RPL22: variants seen among roughly 807,000 people sequenced by gnomAD.
RPL22 encodes large ribosomal subunit protein eL22.
A neutral mutation model predicts 16.2 loss-of-function variants in RPL22; 4 were observed. The ratio of observed to expected loss-of-function variants is 0.25; its 90% CI spans 0.12 to 0.57. The LOEUF (loss-of-function observed/expected upper bound fraction) is 0.57, where lower values mean the gene tolerates loss of function less well. RPL22 is among the 20% of genes least tolerant of loss of function. The pLI, the probability that RPL22 is intolerant of heterozygous loss-of-function variation, is 0.92. For missense variants in RPL22, 83 were observed against 156.1 expected, an observed-to-expected ratio of 0.53 and a Z score of 2.49; for synonymous variants, 43 against 54.8, an observed-to-expected ratio of 0.78 and a Z score of 0.95.
intron 3 of RPL22, among the ~76,000 whole-genome samples, chr1:6,189,746 C>A (rs954487694): frequency 2.3e-4 from 35 of 152,022 alleles, no homozygotes; most frequent in Admixed American, 9.8e-4. Flanking sequence ...ATGATGAAAC[C>A]CCCTCTCTAC....
intron 3 of RPL22, among the ~76,000 whole-genome samples, chr1:6,191,675 CAAA>C (rs532667006): frequency 1.4e-5 from 1 of 69,892 alleles, no homozygotes. Flanking sequence ...ACTCTGTCTC[CAAA>C]AAAAAAAAAA....
Position 6,186,741 on chromosome 1 carries a change from G to C in RPL22, c.318C>G (p.Ser106Arg). ...LRDWLRVVANSKESYELRYFQ... is the reference protein window; with the variant it reads ...LRDWLRVVANRKESYELRYFQ... ...AGTAACGTAATTCGTAACTCTCTTT[G>C]CTGTTAGCAACTACGCGCAACCAGT... Residue 106 changes from serine (S) to arginine (R), a missense_variant, in exon 4 of 4, where the codon AGC becomes AGG. By Grantham distance (110) the Ser-to-Arg change is moderately radical. Transcript: ENST00000234875. 1.3e-6 allele frequency: 2 copies of C among 1,598,138 alleles called. No individual in the cohort carries two copies. Among genetic ancestry groups the C allele is most frequent in the Non-Finnish European group, 8.6e-7 (1 of 1,167,580 alleles).
chr1:6,186,868 A>G (rs1667587673), intron 3 of RPL22, 52 bp from the exon 4 acceptor site: 19 of 1,598,366 alleles, frequency 1.2e-5, no homozygotes, highest in Non-Finnish European at 1.6e-5. Context: ...CTTGCATTCT[A>G]AAACATTTTA....
chr1:6,192,865 A>G, intron 3 of RPL22, 65 bp downstream of exon 3: 1 of 1,596,322 alleles, frequency 6.3e-7, no homozygotes, highest in Non-Finnish European at 8.6e-7. Flanking sequence ...CCCCACTCCC[A>G]TGCAGGGAAA....
intron 2 of RPL22, among the ~76,000 whole-genome samples, chr1:6,194,287 C>T (rs1408641626): frequency 2.0e-5 from 3 of 152,218 alleles, no homozygotes; most frequent in African/African-American, 7.2e-5. Context: ...GAGTATAAAA[C>T]ACTGTTCACA....
intron 3 of RPL22, among the ~76,000 whole-genome samples, chr1:6,188,911 G>A (rs1030368077): frequency 1.3e-5 from 2 of 151,756 alleles, no homozygotes; most frequent in African/African-American, 2.4e-5. Flanking sequence ...TCAGCCTCCC[G>A]AGTAGCTGGG....
At chr1:6,188,733 C>T (rs1667612594) in intron 3 of RPL22, among the ~76,000 whole-genome samples, 2 of 152,004 alleles carry the variant, frequency 1.3e-5, no homozygotes. Flanking sequence ...ATCCCTGCTA[C>T]TAACCATCTC....
chr1:6,190,116 G>A (rs1400108782), intron 3 of RPL22, among the ~76,000 whole-genome samples: 1 of 152,136 alleles, frequency 6.6e-6, no homozygotes, highest in African/African-American at 2.4e-5. Flanking sequence ...ACGCATGTCA[G>A]GAGATACCCT....
At chr1:6,192,599 T>TGA (rs1330930625) in intron 3 of RPL22, among the ~76,000 whole-genome samples, 5 of 152,054 alleles carry the variant, frequency 3.3e-5, no homozygotes, top group African/African-American at 1.2e-4. Context: ...CTCAGGAGGC[T>TGA]GAGGCAGGAC....
rs1481984048 is a variant in RPL22, at chr1:6,185,333, G to A, written c.*1339C>T. 2.5e-6 allele frequency: 1 copy of A among 399,066 alleles called. No individual in the cohort carries two copies. Among genetic ancestry groups the A allele is most frequent in the Non-Finnish European group, 4.4e-6 (1 of 226,052 alleles). The allele number at this position is 399,066 out of a possible 1,614,324, so 24.7% of individuals were successfully genotyped here. ...AAAGAGCAACTGATGCCTCAGTGAA[G>A]TTTGAAAGAAACTCTGCTTTCTGTG... On this transcript the variant is annotated 3_prime_UTR_variant, in exon 4 of 4. Coordinates refer to ENST00000234875, the MANE Select transcript of RPL22 (RefSeq NM_000983.4).
chr1:6,187,660 A>C (rs1293483911), intron 3 of RPL22, among the ~76,000 whole-genome samples: 1 of 152,114 alleles, frequency 6.6e-6, no homozygotes, highest in Non-Finnish European at 1.5e-5. Flanking sequence ...TAAGTAGATA[A>C]GTAGATGTAC....
In RPL22 at chr1:6,185,453, A is replaced by G. The variant is rs1667572199; in HGVS notation, c.*1219T>C. ...GCCTTTAACACAAGTGAAATTGCAA[A>G]GCCTCAACACGTTCAACTCAATCCA... On this transcript the variant is annotated 3_prime_UTR_variant, in exon 4 of 4. Coordinates refer to ENST00000234875, the MANE Select transcript of RPL22 (RefSeq NM_000983.4). The G allele has an allele frequency of 2.5e-6, 1 of 398,502 alleles. No homozygotes were observed. The highest frequency in any genetic ancestry group is 4.4e-6 in the Non-Finnish European group (1 of 225,860). The allele number at this position is 398,502 out of a possible 1,614,324, so 24.7% of individuals were successfully genotyped here.
chr1:6,190,197 G>A (rs147632334), intron 3 of RPL22, among the ~76,000 whole-genome samples: 17 of 152,274 alleles, frequency 1.1e-4, no homozygotes, highest in African/African-American at 3.6e-4. Context: ...CCAGCAGGCC[G>A]GACGCTTTGT....
At chr1:6,190,389 G>A (rs1667634822) in intron 3 of RPL22, among the ~76,000 whole-genome samples, 2 of 151,874 alleles carry the variant, frequency 1.3e-5, no homozygotes, top group Admixed American at 1.3e-4. Flanking sequence ...TCTTTTGTTT[G>A]TTTTTTTTGA....
intron 2 of RPL22, among the ~76,000 whole-genome samples, chr1:6,193,477 C>A (rs1163158094): frequency 6.6e-6 from 1 of 152,140 alleles, no homozygotes; most frequent in Non-Finnish European, 1.5e-5. Context: ...GCATTCGCCA[C>A]CAGGCCCAGC....
chr1:6,189,066 G>A (rs145945493), intron 3 of RPL22, among the ~76,000 whole-genome samples: 3 of 152,142 alleles, frequency 2.0e-5, no homozygotes, highest in East Asian at 1.9e-4. Context: ...GATTACAGGC[G>A]TGAGCCACCG....
intron 3 of RPL22, among the ~76,000 whole-genome samples, chr1:6,191,085 C>A (rs1418470103): frequency 6.6e-6 from 1 of 151,882 alleles, no homozygotes; most frequent in South Asian, 2.1e-4. Context: ...TTAGGCCGGG[C>A]GCGGTGGCTC....
chr1:6,187,537 C>T (rs989323815), intron 3 of RPL22, among the ~76,000 whole-genome samples: 2 of 150,262 alleles, frequency 1.3e-5, no homozygotes, highest in African/African-American at 5.0e-5. Flanking sequence ...TCGCTTGAAC[C>T]CGGGAGGCAG....
chr1:6,185,322 G>A lies in RPL22; in HGVS notation c.*1350C>T. 1 of 399,040 alleles carries A rather than the reference G, an allele frequency of 2.5e-6. No individual in the cohort carries two copies. Among genetic ancestry groups the A allele is most frequent in the Non-Finnish European group, 4.4e-6 (1 of 226,056 alleles). 24.7% of individuals were successfully genotyped at this position (399,040 alleles called of 1,614,324 possible). On this transcript the variant is annotated 3_prime_UTR_variant, in exon 4 of 4. Transcript: ENST00000234875. ...GGGACATTGCCAAAGAGCAACTGAT[G>A]CCTCAGTGAAGTTTGAAAGAAACTC...
Sources: gnomAD v4.1 joint callset for allele counts (sites outside exome capture counted in the v4.1 genomes callset) on GRCh38, gnomAD v4.1.1 for gene constraint, MANE v1.5 for transcripts, NCBI Gene and HGNC (gene_info 2026-07-23, HGNC 2026-07-21) for gene names.